Variants in CACNA2D3 observed in about 807,000 individuals in gnomAD.
CACNA2D3 encodes the protein calcium voltage-gated channel auxiliary subunit alpha2delta 3.
Under a neutral mutation model 160.6 loss-of-function variants are expected in CACNA2D3, and 60 were observed. That is an observed-to-expected ratio of 0.37 (90% CI 0.30 to 0.46). The LOEUF (loss-of-function observed/expected upper bound fraction) is 0.46, where lower values mean the gene tolerates loss of function less well. Among genes scored for constraint, CACNA2D3 ranks in the 20% least tolerant of loss-of-function variants. CACNA2D3 has a pLI of 1.00. For synonymous variants in CACNA2D3, 558 were observed against 492.9 expected, an observed-to-expected ratio of 1.13 and a Z score of -1.75; for missense variants, 1,205 against 1,365.0, an observed-to-expected ratio of 0.88 and a Z score of 1.85.
At chr3:54,297,178 C>T (rs1559913493) in intron 2 of CACNA2D3, among the ~76,000 whole-genome samples, 1 of 152,182 alleles carries the variant, frequency 6.6e-6, no homozygotes, top group Non-Finnish European at 1.5e-5. Flanking sequence ...CCTGCCATTC[C>T]CTGTAGCCCC....
At chr3:54,550,081 T>TC (rs1161885336) in intron 5 of CACNA2D3, among the ~76,000 whole-genome samples, 1 of 152,050 alleles carries the variant, frequency 6.6e-6, no homozygotes, top group Admixed American at 6.6e-5. Context: ...GTTTCTTTTG[T>TC]CCCCCCGCCC....
chr3:54,353,648 T>C (rs563679818), intron 3 of CACNA2D3, among the ~76,000 whole-genome samples: 56 of 152,182 alleles, frequency 3.7e-4, no homozygotes, highest in Non-Finnish European at 7.6e-4. Context: ...TTGAAAATGC[T>C]AGCCTCAGCT....
At chr3:54,764,391 C>T (rs762361374) in intron 13 of CACNA2D3, 40 bp downstream of exon 13, 2 of 1,606,496 alleles carry the variant, frequency 1.2e-6, no homozygotes, top group Non-Finnish European at 1.7e-6. Context: ...TAAGCTTTAC[C>T]CCCATCCCCA....
chr3:54,822,515 G>A (rs915821571), intron 14 of CACNA2D3, among the ~76,000 whole-genome samples: 1 of 152,208 alleles, frequency 6.6e-6, no homozygotes, highest in African/African-American at 2.4e-5. Flanking sequence ...ACCCATGTGA[G>A]TCTTGGCTGA....
intron 12 of CACNA2D3, among the ~76,000 whole-genome samples, chr3:54,758,153 G>A (rs188899707): frequency 3.5e-4 from 53 of 152,298 alleles, no homozygotes; most frequent in Non-Finnish European, 6.5e-4. Context: ...GGACATTAAG[G>A]CTGTAGATAA....
chr3:54,970,775 T>C, intron 29 of CACNA2D3, among the ~76,000 whole-genome samples: 1 of 151,464 alleles, frequency 6.6e-6, no homozygotes, highest in Non-Finnish European at 1.5e-5. Context: ...CTGCCCCACG[T>C]TTTGGAGCAG....
intron 4 of CACNA2D3, among the ~76,000 whole-genome samples, chr3:54,461,582 C>T (rs914020169): frequency 6.6e-6 from 1 of 151,460 alleles, no homozygotes; most frequent in African/African-American, 2.4e-5. Context: ...TTGTAGTATT[C>T]TCTCATGATA....
chr3:54,873,828 C>A (rs1412620260), intron 18 of CACNA2D3, among the ~76,000 whole-genome samples: 1 of 152,200 alleles, frequency 6.6e-6, no homozygotes, highest in Non-Finnish European at 1.5e-5. Flanking sequence ...TGGGAAAACC[C>A]AAACCACCAT....
At chr3:54,600,532 G>T (rs751526534) in intron 9 of CACNA2D3, among the ~76,000 whole-genome samples, 1 of 152,152 alleles carries the variant, frequency 6.6e-6, no homozygotes, top group African/African-American at 2.4e-5. Flanking sequence ...AGTATGCCCC[G>T]GTTGGAGCTG....
In CACNA2D3 at chr3:54,522,929, TTTATTTAC is replaced by T. The variant is rs1162636614; in HGVS notation, c.544+19279_544+19286del. Among the ~76,000 whole-genome samples the T allele has an allele frequency of 3.8e-3, 402 of 104,908 alleles. 4 individuals are homozygous for T. Among genetic ancestry groups the T allele is most frequent in the Admixed American group, 0.012 (122 of 10,208 alleles). 68.8% of individuals were successfully genotyped at this position (104,908 alleles called of 152,430 possible). A position where few individuals can be genotyped will look rare whatever the true frequency, so the allele number is the denominator to read the frequency against. ...CACCATTTATTTATTTATTTATTTATTTATTTACTTACTTACTTACTTACTTACTTACT... is the reference window on the plus strand; with the variant it reads ...CACCATTTATTTATTTATTTATTTATTTACTTACTTACTTACTTACTTACT... On this transcript the variant is annotated intron_variant, in intron 5 of 37. Coordinates refer to ENST00000474759, the MANE Select transcript of CACNA2D3 (RefSeq NM_018398.3).
At chr3:54,896,713 G>T (rs750812649) in intron 25 of CACNA2D3, 36 bp from the exon 26 acceptor site, 3 of 1,613,878 alleles carry the variant, frequency 1.9e-6, no homozygotes, top group East Asian at 4.5e-5. Context: ...ACTCTGCTGA[G>T]TGATGCATGT....
At chr3:54,790,332 A>G (rs1454520068) in intron 13 of CACNA2D3, among the ~76,000 whole-genome samples, 1 of 152,136 alleles carries the variant, frequency 6.6e-6, no homozygotes, top group Admixed American at 6.5e-5. Context: ...TGGCAGCCAA[A>G]GTAGGGTTGC....
chr3:55,019,061 G>C (rs1289868794), intron 35 of CACNA2D3, among the ~76,000 whole-genome samples: 1 of 128,666 alleles, frequency 7.8e-6, no homozygotes, highest in Admixed American at 7.1e-5. Context: ...GGGACTACAG[G>C]CACACAATGC....
chr3:54,431,971 A>T (rs1273252195), intron 4 of CACNA2D3, among the ~76,000 whole-genome samples: 1 of 152,170 alleles, frequency 6.6e-6, no homozygotes, highest in Non-Finnish European at 1.5e-5. Flanking sequence ...TATAAAATGC[A>T]TTGATAAAAT....
chr3:54,792,410 G>A (rs947896898), intron 13 of CACNA2D3, among the ~76,000 whole-genome samples: 2 of 152,160 alleles, frequency 1.3e-5, no homozygotes, highest in African/African-American at 4.8e-5. Flanking sequence ...CTTTGGCTGT[G>A]ACAGAATTCC....
At chr3:54,403,013 A>T (rs1256197991) in intron 4 of CACNA2D3, among the ~76,000 whole-genome samples, 2 of 152,182 alleles carry the variant, frequency 1.3e-5, no homozygotes, top group Non-Finnish European at 2.9e-5. Flanking sequence ...AAATTAAACA[A>T]CATGCTCCTG....
At chr3:54,483,207 G>A (rs1298223961) in intron 4 of CACNA2D3, among the ~76,000 whole-genome samples, 1 of 152,166 alleles carries the variant, frequency 6.6e-6, no homozygotes, top group African/African-American at 2.4e-5. Flanking sequence ...CTTTTTGTAT[G>A]CATTTGCTGT....
chr3:54,913,187 A>G (rs1244197529), intron 27 of CACNA2D3, among the ~76,000 whole-genome samples: 4 of 152,022 alleles, frequency 2.6e-5, no homozygotes, highest in African/African-American at 7.3e-5. Context: ...AACTCAAGCA[A>G]TCCTCCCTCC....
chr3:54,508,333 G>A (rs1475967830), intron 5 of CACNA2D3, among the ~76,000 whole-genome samples: 2 of 152,184 alleles, frequency 1.3e-5, no homozygotes, highest in African/African-American at 4.8e-5. Flanking sequence ...CTGAAGAAGA[G>A]GGAGAGGGAG....
Sources: allele counts gnomAD v4.1 joint callset (sites outside exome capture counted in the v4.1 genomes callset), GRCh38; gene constraint gnomAD v4.1.1; transcripts MANE v1.5; gene names NCBI Gene and HGNC (gene_info 2026-07-23, HGNC 2026-07-21).